SFMBT2: variants seen among roughly 807,000 people sequenced by gnomAD.
SFMBT2 encodes Scm like with four mbt domains 2.
SFMBT2 carries 38 observed loss-of-function variants against 110.1 expected under a neutral mutation model. That is an observed-to-expected ratio of 0.35 (90% CI 0.27 to 0.45). The LOEUF is 0.45. Ranked by LOEUF, SFMBT2 falls within the 20% of genes least tolerant of loss-of-function variation. SFMBT2 has a pLI of 1.00. For synonymous variants in SFMBT2, 425 were observed against 425.4 expected (o/e 1.00, Z 0.01); for missense variants, 1,011 against 1,094.9 (o/e 0.92, Z 1.08).
intron 16 of SFMBT2, among the ~76,000 whole-genome samples, chr10:7,186,474 A>AT (rs575700146): frequency 0.19 from 25,966 of 134,738 alleles, 2,956 homozygotes; most frequent in African/African-American, 0.22. Context: ...ATATATATAT[A>AT]AAAATATTTT....
chr10:7,361,144 C>G (rs2132036199), intron 4 of SFMBT2, among the ~76,000 whole-genome samples: 1 of 152,102 alleles, frequency 6.6e-6, no homozygotes, highest in Middle Eastern at 3.4e-3. Context: ...GCCTGGGTGC[C>G]CAGTTAGGAT....
intron 4 of SFMBT2, among the ~76,000 whole-genome samples, chr10:7,353,824 G>C (rs149164908): frequency 0.05 from 7,542 of 152,212 alleles, 220 homozygotes; most frequent in Non-Finnish European, 0.065. Flanking sequence ...AGTGGCTCAT[G>C]CCTATAATCC....
chr10:7,395,596 C>T (rs1224529552), intron 1 of SFMBT2, among the ~76,000 whole-genome samples: 1 of 152,156 alleles, frequency 6.6e-6, no homozygotes, highest in African/African-American at 2.4e-5. Flanking sequence ...TAATTTTCCC[C>T]TTTACCTTCT....
intron 16 of SFMBT2, among the ~76,000 whole-genome samples, chr10:7,180,126 T>TC (rs1838200842): frequency 6.6e-6 from 1 of 151,080 alleles, no homozygotes; most frequent in Admixed American, 6.6e-5. Flanking sequence ...AGGTTTGCTT[T>TC]TTTTTGCTTT....
chr10:7,170,119 A>G lies in SFMBT2; in HGVS notation c.2544+809T>C, dbSNP rs947455772. 6.6e-6 allele frequency among the ~76,000 whole-genome samples: 1 copy of G among 152,286 alleles called. No individual in the cohort carries two copies. Among genetic ancestry groups the G allele is most frequent in the Non-Finnish European group, 1.5e-5 (1 of 68,018 alleles). ...GGGCATTATATACAAATTCACAAACAGAAGACTCTGGAAGGTGGAGAAAGG... is the reference window on the plus strand; with the variant it reads ...GGGCATTATATACAAATTCACAAACGGAAGACTCTGGAAGGTGGAGAAAGG... On this transcript the variant is annotated intron_variant, in intron 20 of 20. Coordinates refer to ENST00000397167, the MANE Select transcript of SFMBT2 (RefSeq NM_001387889.1). This position sits in a 1 kb window ranked among gnomAD's most constrained non-coding sequence, Gnocchi z 4.6.
intron 1 of SFMBT2, among the ~76,000 whole-genome samples, chr10:7,385,239 C>A (rs1437554053): frequency 6.6e-6 from 1 of 152,134 alleles, no homozygotes; most frequent in East Asian, 1.9e-4. Flanking sequence ...CACCTCTACC[C>A]CATGTAAGGA....
At chr10:7,343,458 T>C (rs1331909331) in intron 4 of SFMBT2, among the ~76,000 whole-genome samples, 1 of 152,172 alleles carries the variant, frequency 6.6e-6, no homozygotes, top group Non-Finnish European at 1.5e-5. Flanking sequence ...CTTTCAGAAA[T>C]CTCCAGAGTG....
chr10:7,351,983 TGA>T (rs1235672823), intron 4 of SFMBT2, among the ~76,000 whole-genome samples: 4 of 151,922 alleles, frequency 2.6e-5, no homozygotes, highest in African/African-American at 9.7e-5. Context: ...TTTGTCACGG[TGA>T]AGATGAGGAC....
intron 1 of SFMBT2, among the ~76,000 whole-genome samples, chr10:7,389,973 A>AG (rs1845722960): frequency 1.3e-5 from 2 of 152,238 alleles, no homozygotes; most frequent in African/African-American, 4.8e-5. Context: ...AAGCCTTGTT[A>AG]GGAAGAACAC....
At chr10:7,263,887 A>T (rs967233016) in intron 7 of SFMBT2, among the ~76,000 whole-genome samples, 2 of 152,238 alleles carry the variant, frequency 1.3e-5, no homozygotes, top group African/African-American at 4.8e-5. Flanking sequence ...TCTCTTGGCC[A>T]CATTTAATCT....
chr10:7,228,476 CTCCCAGAGA>C, intron 9 of SFMBT2: 1 of 480,596 alleles, frequency 2.1e-6, no homozygotes, highest in Non-Finnish European at 2.7e-6. Flanking sequence ...GAGAGAAAAG[CTCCCAGAGA>C]AATGAGGGAA....
intron 4 of SFMBT2, among the ~76,000 whole-genome samples, chr10:7,313,276 G>C (rs1842905956): frequency 6.6e-6 from 1 of 151,974 alleles, no homozygotes; most frequent in African/African-American, 2.4e-5. Context: ...ATTGCACTGT[G>C]TATGGTAAAA....
At chr10:7,340,655 CAAA>C (rs776262305) in intron 4 of SFMBT2, among the ~76,000 whole-genome samples, 6 of 86,782 alleles carry the variant, frequency 6.9e-5, no homozygotes, top group African/African-American at 4.5e-5. Flanking sequence ...GAACCTATCT[CAAA>C]AAAAAAAAAA....
chr10:7,209,486 G>C (rs556611152), intron 11 of SFMBT2, among the ~76,000 whole-genome samples: 2 of 152,306 alleles, frequency 1.3e-5, no homozygotes, highest in African/African-American at 4.8e-5. Context: ...CCATCTATGG[G>C]AAAGCACTTA....
intron 6 of SFMBT2, among the ~76,000 whole-genome samples, chr10:7,282,639 T>C (rs927257893): frequency 2.0e-5 from 3 of 152,176 alleles, no homozygotes; most frequent in Admixed American, 2.0e-4. Flanking sequence ...AAATACCACA[T>C]TACGCGTCTC....
chr10:7,312,252 A>T (rs1842878115), intron 4 of SFMBT2, among the ~76,000 whole-genome samples: 1 of 152,160 alleles, frequency 6.6e-6, no homozygotes, highest in Non-Finnish European at 1.5e-5. Flanking sequence ...CACCACCCTA[A>T]GGCATAAGCC....
At chr10:7,207,648 C>T in intron 11 of SFMBT2, 2 of 981,924 alleles carry the variant, frequency 2.0e-6, no homozygotes, top group Non-Finnish European at 2.4e-6. Flanking sequence ...CCTCCCTCCC[C>T]ACCAAAACCA....
intron 3 of SFMBT2, chr10:7,368,328 G>A (rs769687725): frequency 4.1e-6 from 4 of 985,178 alleles, no homozygotes; most frequent in Non-Finnish European, 4.8e-6. Context: ...TGAACAACAT[G>A]GCCCTAGAAA....
chr10:7,360,990 T>C (rs1430042409), intron 4 of SFMBT2, among the ~76,000 whole-genome samples: 1 of 152,220 alleles, frequency 6.6e-6, no homozygotes, highest in Non-Finnish European at 1.5e-5. Context: ...TTTAAACATT[T>C]TTTAATAAAA....
Sources: gnomAD v4.1 joint callset for allele counts (sites outside exome capture counted in the v4.1 genomes callset) on GRCh38, gnomAD v4.1.1 for gene constraint, Gnocchi (gnomAD v3.1) non-coding constraint, MANE v1.5 for transcripts, NCBI Gene and HGNC (gene_info 2026-07-23, HGNC 2026-07-21) for gene names.